The following AGAP1 variants were observed in gnomAD, a reference collection of about 807,000 sequenced individuals.
AGAP1 encodes ArfGAP with GTPase domain, ankyrin repeat and PH domain 1.
In AGAP1, 29 loss-of-function variants were observed where a neutral mutation model predicts 105.3. That is an observed-to-expected ratio of 0.28 (90% CI 0.21 to 0.38). The LOEUF (loss-of-function observed/expected upper bound fraction) is 0.38, where lower values mean the gene tolerates loss of function less well. Ranked by LOEUF, AGAP1 falls within the 10% of genes least tolerant of loss-of-function variation. The pLI, the probability that AGAP1 is intolerant of heterozygous loss-of-function variation, is 1.00. For synonymous variants in AGAP1, 509 were observed against 485.9 expected, an observed-to-expected ratio of 1.05 and a Z score of -0.63; for missense variants, 998 against 1,165.1, an observed-to-expected ratio of 0.86 and a Z score of 2.09.
intron 9 of AGAP1, among the ~76,000 whole-genome samples, chr2:235,861,604 C>T (rs969334900): frequency 6.6e-6 from 1 of 152,226 alleles, no homozygotes; most frequent in Non-Finnish European, 1.5e-5. Flanking sequence ...TTTAGCAGGG[C>T]AGCCTCTGCC....
At chr2:235,829,094 A>G (rs992532215) in intron 9 of AGAP1, among the ~76,000 whole-genome samples, 11 of 152,242 alleles carry the variant, frequency 7.2e-5, no homozygotes, top group Admixed American at 7.2e-4. Flanking sequence ...GTGACTGGGC[A>G]GATTGGCACC....
chr2:235,566,650 G>A lies in AGAP1; in HGVS notation c.163+71801G>A, dbSNP rs1349234116. ...GTTGTATGCCTGACACCTTCCTCAT[G>A]CCGCAGGACCAGCCGGGACCGGGGA... is the stretch of plus-strand genomic sequence containing the variant. On this transcript the variant is annotated intron_variant, in intron 1 of 17. Coordinates refer to ENST00000304032, the MANE Select transcript of AGAP1 (RefSeq NM_001037131.3). This position sits in a 1 kb window ranked among gnomAD's most constrained non-coding sequence, Gnocchi z 5.2. 1.0e-6 allele frequency: 1 copy of A among 965,354 alleles called. No individual in the cohort carries two copies. Among genetic ancestry groups the A allele is most frequent in the African/African-American group, 1.8e-5 (1 of 56,746 alleles). 59.8% of individuals were successfully genotyped at this position (965,354 alleles called of 1,614,324 possible). A position where few individuals can be genotyped will look rare whatever the true frequency, so the allele number is the denominator to read the frequency against.
chr2:235,527,583 C>A (rs1574770171), intron 1 of AGAP1, among the ~76,000 whole-genome samples: 1 of 152,120 alleles, frequency 6.6e-6, no homozygotes, highest in East Asian at 1.9e-4. Flanking sequence ...GAGACGAGGT[C>A]TCGCTCTGTT....
At chr2:236,075,003 A>G (rs1053265757) in intron 16 of AGAP1, among the ~76,000 whole-genome samples, 1 of 152,190 alleles carries the variant, frequency 6.6e-6, no homozygotes, top group African/African-American at 2.4e-5. Context: ...CAGTGAGCCA[A>G]GATCACTCCA....
At position 235,720,528 on chromosome 2, in the gene AGAP1, C is replaced by G. The variant is rs1359336470; in HGVS notation, c.310+2884C>G. The stretch of plus-strand genomic sequence containing the variant: ...GATTTTGAGTGAGCTCTGTGGCCTT[C>G]CCATTTCTTGGTGTACTGCTGCCTT... On this transcript the variant is annotated intron_variant, in intron 3 of 17. Transcript: ENST00000304032. The surrounding 1 kb of genome is among the most constrained non-coding windows in gnomAD (Gnocchi z 5.0). 1 of 339,402 alleles carries G rather than the reference C, an allele frequency of 2.9e-6. No homozygotes were observed. The highest frequency in any genetic ancestry group is 4.2e-6 in the Non-Finnish European group (1 of 240,018). 21.0% of individuals were successfully genotyped at this position (339,402 alleles called of 1,614,324 possible).
At chr2:235,780,714 G>A (rs960665085) in intron 6 of AGAP1, among the ~76,000 whole-genome samples, 2 of 152,114 alleles carry the variant, frequency 1.3e-5, no homozygotes, top group Non-Finnish European at 2.9e-5. Flanking sequence ...TTTAAGTTGG[G>A]GGAAAAATTA....
intron 11 of AGAP1, among the ~76,000 whole-genome samples, chr2:235,917,358 A>C (rs2051942232): frequency 6.6e-6 from 1 of 152,164 alleles, no homozygotes; most frequent in South Asian, 2.1e-4. Context: ...CATCCAGCAA[A>C]CCCATAAAAA....
chr2:236,024,755 G>A (rs2056999465), intron 13 of AGAP1, among the ~76,000 whole-genome samples: 1 of 152,234 alleles, frequency 6.6e-6, no homozygotes, highest in Non-Finnish European at 1.5e-5. Context: ...TTAGCCCCAT[G>A]GGGCCTTGTC....
intron 16 of AGAP1, among the ~76,000 whole-genome samples, chr2:236,086,103 TAG>T (rs2058921953): frequency 6.6e-6 from 1 of 152,234 alleles, no homozygotes; most frequent in South Asian, 2.1e-4. Context: ...TCCTCCTGCT[TAG>T]AGATACCAGC....
chr2:236,040,573 A>G lies in AGAP1; in HGVS notation c.1801-178A>G. ...CCTCCCTCCCCCCGCCCCATGCATG[A>G]TGATTTCTTCTTCAGTTATGCTCTT... On this transcript the variant is annotated intron_variant, in intron 14 of 17. Transcript: ENST00000304032. The surrounding 1 kb of genome is among the most constrained non-coding windows in gnomAD (Gnocchi z 5.6). 9.4e-6 allele frequency: 1 copy of G among 105,944 alleles called. No homozygotes were observed. Among genetic ancestry groups the G allele is most frequent in the Non-Finnish European group, 1.8e-5 (1 of 56,302 alleles). 6.6% of individuals were successfully genotyped at this position (105,944 alleles called of 1,614,324 possible).
intron 1 of AGAP1, among the ~76,000 whole-genome samples, chr2:235,606,661 C>T (rs1945948526): frequency 6.6e-6 from 1 of 152,044 alleles, no homozygotes. Context: ...CAGTTGTTTG[C>T]AAACCTTTTG....
At chr2:235,984,281 C>T (rs1330450925) in intron 13 of AGAP1, among the ~76,000 whole-genome samples, 2 of 152,122 alleles carry the variant, frequency 1.3e-5, no homozygotes, top group African/African-American at 2.4e-5. Context: ...GGATTTACAA[C>T]ATTTTGTTTG....
chr2:235,523,217 A>AC lies in AGAP1; in HGVS notation c.163+28370dup, dbSNP rs1195821912. ...TCCTCACGGCCATGACCTCATCTAAACCTGATCACCTCCCAGAGGCCCCAC... is the reference window on the plus strand; with the variant it reads ...TCCTCACGGCCATGACCTCATCTAAACCCTGATCACCTCCCAGAGGCCCCAC... On this transcript the variant is annotated intron_variant, in intron 1 of 17. Transcript: ENST00000304032. Among the ~76,000 whole-genome samples, 3 of 152,084 alleles carry AC rather than the reference A, an allele frequency of 2.0e-5. No individual in the cohort carries two copies. In the East Asian group the frequency reaches 5.8e-4, roughly 29 times the overall value.
At chr2:235,520,182 A>C (rs1942562152) in intron 1 of AGAP1, among the ~76,000 whole-genome samples, 1 of 152,256 alleles carries the variant, frequency 6.6e-6, no homozygotes, top group African/African-American at 2.4e-5. Flanking sequence ...ACACATGACC[A>C]CATTACCACA....
chr2:235,987,265 T>C (rs1559727441), intron 13 of AGAP1, among the ~76,000 whole-genome samples: 1 of 152,084 alleles, frequency 6.6e-6, no homozygotes. Context: ...CCATTTCTTC[T>C]AGATTTTCTA....
chr2:236,037,109 C>T (rs550604963), intron 14 of AGAP1: 6 of 185,464 alleles, frequency 3.2e-5, no homozygotes, highest in African/African-American at 1.4e-4. Flanking sequence ...AAATCGACAT[C>T]AAGTTGGAAA....
Position 235,740,214 on chromosome 2 carries a change from C to G in AGAP1, c.311-749C>G, listed in dbSNP as rs181405409. ...GGGCACTGCAGCAACCTTGTACCAT[C>G]CCCTCCTGAGAGCATCAGGGGCCGG... On this transcript the variant is annotated intron_variant, in intron 3 of 17. Transcript: ENST00000304032. This position sits in a 1 kb window ranked among gnomAD's most constrained non-coding sequence, Gnocchi z 5.7. 6.3e-3 allele frequency among the ~76,000 whole-genome samples: 963 copies of G among 152,204 alleles called. 17 individuals carry two copies. The highest frequency in any genetic ancestry group is 0.022 in the African/African-American group (917 of 41,526).
At position 236,061,057 on chromosome 2, in the gene AGAP1, C is replaced by T. The variant is rs185139327; in HGVS notation, c.2114+11776C>T. On this transcript the variant is annotated intron_variant, in intron 16 of 17. Transcript: ENST00000304032. The surrounding 1 kb of genome is among the most constrained non-coding windows in gnomAD (Gnocchi z 4.1). ...TAGCCTGGATAACAGAACAAGACCT[C>T]GTCTGAAAAATAAAATAAGTAAAAA... 2.0e-5 allele frequency among the ~76,000 whole-genome samples: 3 copies of T among 152,110 alleles called. No individual in the cohort carries two copies. The highest frequency in any genetic ancestry group is 3.9e-4 in the East Asian group (2 of 5,180).
intron 1 of AGAP1, among the ~76,000 whole-genome samples, chr2:235,602,806 ATTC>A (rs1257308171): frequency 6.6e-6 from 1 of 152,126 alleles, no homozygotes; most frequent in Non-Finnish European, 1.5e-5. Context: ...GGTTCAAATG[ATTC>A]TTGTGCCTCA....
Sources: allele counts gnomAD v4.1 joint callset (sites outside exome capture counted in the v4.1 genomes callset), GRCh38; gene constraint gnomAD v4.1.1; non-coding constraint Gnocchi (gnomAD v3.1); transcripts MANE v1.5; gene names NCBI Gene and HGNC (gene_info 2026-07-23, HGNC 2026-07-21).